STT3B: variants seen among roughly 807,000 people sequenced by gnomAD.
STT3B encodes the protein dolichyl-diphosphooligosaccharide--protein glycosyltransferase subunit STT3B.
A neutral mutation model predicts 96.8 loss-of-function variants in STT3B; 29 were observed. The observed-to-expected ratio is 0.30, with a 90% confidence interval of 0.22 to 0.41. The LOEUF (loss-of-function observed/expected upper bound fraction) is 0.41, where lower values mean the gene tolerates loss of function less well. Ranked by LOEUF, STT3B falls within the 10% of genes least tolerant of loss-of-function variation. The pLI is 1.00. For missense variants in STT3B, 640 were observed against 1,022.3 expected (o/e 0.63, Z 5.10); for synonymous variants, 367 against 360.0 (o/e 1.02, Z -0.22).
intron 8 of STT3B, 27 bp downstream of exon 8, chr3:31,618,015 C>G: frequency 6.7e-7 from 1 of 1,490,026 alleles, no homozygotes; most frequent in Non-Finnish European, 9.4e-7. Flanking sequence ...TATTTGGCAT[C>G]ATATTTATTG....
At chr3:31,618,047 T>G in intron 8 of STT3B, 59 bp downstream of exon 8, 1 of 1,179,466 alleles carries the variant, frequency 8.5e-7, no homozygotes, top group Non-Finnish European at 1.3e-6. Flanking sequence ...TTCCTTTGTT[T>G]TTATCTGTTT....
chr3:31,557,174 C>T (rs995005100), intron 1 of STT3B, among the ~76,000 whole-genome samples: 1 of 152,142 alleles, frequency 6.6e-6, no homozygotes, highest in Non-Finnish European at 1.5e-5. Context: ...TTGAAGCCTT[C>T]GTTGAAAATC....
chr3:31,536,183 A>AT (rs922383714), intron 1 of STT3B, among the ~76,000 whole-genome samples: 30 of 152,192 alleles, frequency 2.0e-4, no homozygotes, highest in African/African-American at 7.0e-4. Context: ...GGATGTGTAG[A>AT]TTGCCTGCCA....
chr3:31,595,329 C>T (rs1023966771), intron 3 of STT3B, among the ~76,000 whole-genome samples: 6 of 152,178 alleles, frequency 3.9e-5, no homozygotes, highest in Non-Finnish European at 8.8e-5. Context: ...TAATACCATA[C>T]TTACAAAGTC....
At chr3:31,559,173 GTGTGTGTGTGTGTGTGTT>G (rs1697800172) in intron 1 of STT3B, among the ~76,000 whole-genome samples, 1 of 148,196 alleles carries the variant, frequency 6.7e-6, no homozygotes, top group East Asian at 2.1e-4. Context: ...GTGTGTGTGT[GTGTGTGTGTGTGTGTGTT>G]GTCTCTTTCA....
intron 14 of STT3B, among the ~76,000 whole-genome samples, chr3:31,632,665 G>A (rs946674917): frequency 1.2e-5 from 1 of 86,210 alleles, no homozygotes; most frequent in Admixed American, 1.3e-4. Flanking sequence ...CTATGTTTTG[G>A]TGGGTTTTTT....
At chr3:31,575,161 A>G (rs1489493531) in intron 1 of STT3B, among the ~76,000 whole-genome samples, 1 of 152,112 alleles carries the variant, frequency 6.6e-6, no homozygotes, top group Non-Finnish European at 1.5e-5. Context: ...TTACAAATGA[A>G]GAAACTAGAA....
intron 8 of STT3B, among the ~76,000 whole-genome samples, chr3:31,618,402 G>GT (rs1699357666): frequency 6.7e-6 from 1 of 149,604 alleles, no homozygotes; most frequent in Non-Finnish European, 1.5e-5. Flanking sequence ...TCTGATCTAA[G>GT]TTTTTTTGTT....
chr3:31,600,536 A>C, intron 5 of STT3B, 77 bp downstream of exon 5: 1 of 685,868 alleles, frequency 1.5e-6, no homozygotes, highest in South Asian at 2.3e-5. Flanking sequence ...AGATATTTCT[A>C]TTTGGTCAAT....
intron 14 of STT3B, among the ~76,000 whole-genome samples, chr3:31,630,370 A>G (rs925767193): frequency 6.6e-6 from 1 of 152,118 alleles, no homozygotes. Flanking sequence ...TTTCTCCCAT[A>G]TATGTACCCT....
At chr3:31,606,245 A>G (rs776707556) in intron 5 of STT3B, among the ~76,000 whole-genome samples, 2 of 152,242 alleles carry the variant, frequency 1.3e-5, no homozygotes, top group African/African-American at 2.4e-5. Flanking sequence ...CTGAGGAGAA[A>G]TTGAAGCAGG....
At position 31,636,358 on chromosome 3, in the gene STT3B, C is replaced by T. The variant is rs1039939433; in HGVS notation, c.*294C>T. The T allele has an allele frequency of 8.8e-6, 2 of 228,296 alleles. No homozygotes were observed. The highest frequency in any genetic ancestry group is 4.5e-5 in the African/African-American group (2 of 44,364). 14.1% of individuals were successfully genotyped at this position (228,296 alleles called of 1,614,324 possible). A position where few individuals can be genotyped will look rare whatever the true frequency, so the allele number is the denominator to read the frequency against. On this transcript the variant is annotated 3_prime_UTR_variant, in exon 16 of 16. Transcript: ENST00000295770. ...AATCTGAGAATTTGGACTAACTGCA[C>T]CAAAGAACCCTCTAATTTGGTCCCT...
intron 10 of STT3B, 73 bp downstream of exon 10, chr3:31,622,381 A>G: frequency 1.6e-6 from 2 of 1,224,034 alleles, no homozygotes; most frequent in Non-Finnish European, 2.3e-6. Flanking sequence ...TAAGAACTAT[A>G]CATATCAAGA....
chr3:31,565,354 A>G (rs1440140677), intron 1 of STT3B, among the ~76,000 whole-genome samples: 1 of 152,216 alleles, frequency 6.6e-6, no homozygotes. Flanking sequence ...GTTGTGTAAC[A>G]TTATGTGACA....
chr3:31,594,452 A>G (rs1253523068), intron 3 of STT3B, among the ~76,000 whole-genome samples: 1 of 141,756 alleles, frequency 7.1e-6, no homozygotes, highest in Non-Finnish European at 1.5e-5. Context: ...TTTTTTTTGG[A>G]TGGAGTCTCG....
chr3:31,592,122 T>C (rs941908445), intron 3 of STT3B, among the ~76,000 whole-genome samples: 1 of 152,192 alleles, frequency 6.6e-6, no homozygotes, highest in Non-Finnish European at 1.5e-5. Context: ...ATCTCTCCTT[T>C]CCACCTTCCC....
intron 1 of STT3B, among the ~76,000 whole-genome samples, chr3:31,535,597 G>C (rs1396855895): frequency 2.2e-4 from 34 of 152,098 alleles, no homozygotes; most frequent in Admixed American, 2.2e-3. Flanking sequence ...GGTGTCGGGC[G>C]CCTGTAATCC....
chr3:31,566,468 A>T (rs1698009713), intron 1 of STT3B, among the ~76,000 whole-genome samples: 1 of 152,164 alleles, frequency 6.6e-6, no homozygotes, highest in Non-Finnish European at 1.5e-5. Flanking sequence ...AGTGTCTGAC[A>T]TGTTTTTTTA....
chr3:31,537,811 T>A (rs1244786120), intron 1 of STT3B, among the ~76,000 whole-genome samples: 1 of 152,172 alleles, frequency 6.6e-6, no homozygotes, highest in African/African-American at 2.4e-5. Context: ...CCTAATCAAT[T>A]TTTATACTCT....
Sources: gnomAD v4.1 joint callset for allele counts (sites outside exome capture counted in the v4.1 genomes callset) on GRCh38, gnomAD v4.1.1 for gene constraint, MANE v1.5 for transcripts, NCBI Gene and HGNC (gene_info 2026-07-23, HGNC 2026-07-21) for gene names.